The following LOXL2 variants were observed in gnomAD, a reference collection of about 807,000 sequenced individuals.
LOXL2 encodes lysyl oxidase like 2, also known as lysyl oxidase homolog 2.
In LOXL2, 70 loss-of-function variants were observed where a neutral mutation model predicts 93.0. That is an observed-to-expected ratio of 0.75 (90% CI 0.62 to 0.92). The LOEUF is 0.92. Ranked by LOEUF, LOXL2 falls within the 40% of genes least tolerant of loss-of-function variation. LOXL2 has a pLI of 0.00. For missense variants in LOXL2, 973 were observed against 1,054.9 expected (o/e 0.92, Z 1.08); for synonymous variants, 438 against 413.2 (o/e 1.06, Z -0.73).
rs761024060 is a variant in LOXL2 at position 23,319,903 on chromosome 8, G to A, written c.1452C>T (p.Phe484=). 6.9e-5 allele frequency: 112 copies of A among 1,613,634 alleles called. No individual in the cohort carries two copies. Among genetic ancestry groups the A allele is most frequent in the South Asian group, 5.5e-5 (5 of 91,068 alleles). Reference sequence around the variant, plus strand: ...TTCTCACCTGGAAGGCGTTGCTGGCGAATCCCAGGCCCAGCTGGCGGCAGA... The same window carrying A: ...TTCTCACCTGGAAGGCGTTGCTGGCAAATCCCAGGCCCAGCTGGCGGCAGA... The part of the protein sequence containing the change: ...MVVCRQLGLG[F]ASNAFQETWY... Residue 484 remains phenylalanine (F), a synonymous_variant, in exon 8 of 14, where the codon TTC becomes TTT. Coordinates refer to ENST00000389131, the MANE Select transcript of LOXL2 (RefSeq NM_002318.3).
At chr8:23,310,360 C>A (rs150826461) in intron 9 of LOXL2, among the ~76,000 whole-genome samples, 1 of 152,230 alleles carries the variant, frequency 6.6e-6, no homozygotes, top group Non-Finnish European at 1.5e-5. Context: ...CCTCTAATAC[C>A]TTGGTCTGCT....
At chr8:23,300,574 A>G (rs185047637) in intron 12 of LOXL2, among the ~76,000 whole-genome samples, 8 of 152,314 alleles carry the variant, frequency 5.3e-5, no homozygotes, top group Non-Finnish European at 7.3e-5. Context: ...CTCCATGTCT[A>G]TCTTAAGGGG....
intron 12 of LOXL2, among the ~76,000 whole-genome samples, chr8:23,299,663 G>A (rs181500007): frequency 1.4e-4 from 22 of 152,322 alleles, no homozygotes; most frequent in East Asian, 1.2e-3. Flanking sequence ...AGAGGGAGAA[G>A]AGACAACAGT....
At chr8:23,310,049 C>T in intron 9 of LOXL2, 138 bp from the exon 10 acceptor site, 1 of 821,438 alleles carries the variant, frequency 1.2e-6, no homozygotes, top group East Asian at 3.2e-5. Context: ...CTCAAGGTTA[C>T]CTTCTTGTTT....
chr8:23,321,894 A>C (rs187568773), intron 7 of LOXL2: 1 of 514,750 alleles, frequency 1.9e-6, no homozygotes, highest in Non-Finnish European at 3.5e-6. Context: ...AGATGTTAAC[A>C]TGCAAGGAGG....
At position 23,309,395 on chromosome 8, in the gene LOXL2, G is replaced by A. The variant is rs1172107656; in HGVS notation, c.1880+273C>T. Among the ~76,000 whole-genome samples, 9 of 152,348 alleles carry A rather than the reference G, an allele frequency of 5.9e-5. 1 individual carries two copies. In the Middle Eastern group the frequency reaches 0.024, roughly 403 times the overall value. ...CCATGGGCTGAAGGTCAACGAGGAG[G>A]GTATGGGCGCTCAAAACAAAGTGTG... On this transcript the variant is annotated intron_variant, in intron 10 of 13. Coordinates refer to ENST00000389131, the MANE Select transcript of LOXL2 (RefSeq NM_002318.3).
rs1676100380 is a variant in LOXL2, at chr8:23,398,329, C to A, written c.-84+5625G>T. Among the ~76,000 whole-genome samples, 4 of 152,168 alleles carry A rather than the reference C, an allele frequency of 2.6e-5. No homozygotes were observed. In the South Asian group the frequency reaches 8.3e-4, roughly 32 times the overall value. Reference sequence around the variant, plus strand: ...ACATCAAGGAGGATATGTCTGTTGCCACAGGACATCCAGAGGGCCAGCTGT... The same window carrying A: ...ACATCAAGGAGGATATGTCTGTTGCAACAGGACATCCAGAGGGCCAGCTGT... On this transcript the variant is annotated intron_variant, in intron 1 of 13. Coordinates refer to ENST00000389131, the MANE Select transcript of LOXL2 (RefSeq NM_002318.3).
intron 1 of LOXL2, among the ~76,000 whole-genome samples, chr8:23,368,952 G>A (rs1367425423): frequency 2.0e-5 from 3 of 152,128 alleles, no homozygotes; most frequent in Admixed American, 6.5e-5. Context: ...CTTTCCTCCC[G>A]TCTTTGAATC....
At chr8:23,318,613 T>C (rs900217580) in intron 8 of LOXL2, among the ~76,000 whole-genome samples, 5 of 152,188 alleles carry the variant, frequency 3.3e-5, no homozygotes, top group Admixed American at 1.3e-4. Flanking sequence ...GTCCCAGGCC[T>C]ATTTCAAGAC....
chr8:23,400,595 T>C (rs1431826064), intron 1 of LOXL2, among the ~76,000 whole-genome samples: 1 of 152,170 alleles, frequency 6.6e-6, no homozygotes, highest in Non-Finnish European at 1.5e-5. Context: ...ATGCATAAAC[T>C]AAGGGCTTCA....
chr8:23,302,273 C>A, intron 11 of LOXL2, 110 bp from the exon 12 acceptor site: 1 of 1,359,610 alleles, frequency 7.4e-7, no homozygotes, highest in East Asian at 2.4e-5. Flanking sequence ...CTCGGCATCC[C>A]ACCCCACTGT....
chr8:23,375,263 T>C (rs1276330787), intron 1 of LOXL2, among the ~76,000 whole-genome samples: 1 of 152,172 alleles, frequency 6.6e-6, no homozygotes, highest in Non-Finnish European at 1.5e-5. Context: ...TGTAGATGTA[T>C]GGTATTATTT....
chr8:23,328,642 C>T (rs1288776508), intron 5 of LOXL2, 77 bp from the exon 6 acceptor site: 1 of 1,416,992 alleles, frequency 7.1e-7, no homozygotes, highest in African/African-American at 1.4e-5. Context: ...CGCCCCCTCC[C>T]TTCCCTGCCA....
chr8:23,304,332 G>C (rs920078474), intron 10 of LOXL2, among the ~76,000 whole-genome samples: 1 of 152,240 alleles, frequency 6.6e-6, no homozygotes, highest in African/African-American at 2.4e-5. Context: ...ATAAACAAGG[G>C]AAACGGGGCT....
At chr8:23,354,477 T>G (rs1585366663) in intron 3 of LOXL2, among the ~76,000 whole-genome samples, 1 of 152,110 alleles carries the variant, frequency 6.6e-6, no homozygotes, top group African/African-American at 2.4e-5. Context: ...CACTTTGATA[T>G]GAAGAGTGAA....
At chr8:23,339,138 T>G (rs559826086) in intron 4 of LOXL2, among the ~76,000 whole-genome samples, 2 of 151,870 alleles carry the variant, frequency 1.3e-5, no homozygotes, top group Non-Finnish European at 2.9e-5. Context: ...TTGGGACACA[T>G]GTAGGCCTAA....
chr8:23,298,825 C>A lies in LOXL2; in HGVS notation c.2245+11G>T. Reference sequence around the variant, plus strand: ...CGCCTGCTTCCTGGAGTGGGGGCGGCCTGGCCTTACCTATGTGGCAGTTGT... The same window carrying A: ...CGCCTGCTTCCTGGAGTGGGGGCGGACTGGCCTTACCTATGTGGCAGTTGT... On this transcript the variant is annotated intron_variant, in intron 13 of 13. Transcript: ENST00000389131. The A allele has an allele frequency of 6.3e-7, 1 of 1,578,268 alleles. No individual in the cohort carries two copies. Among genetic ancestry groups the A allele is most frequent in the East Asian group, 2.2e-5 (1 of 44,594 alleles).
intron 2 of LOXL2, among the ~76,000 whole-genome samples, chr8:23,362,260 G>C (rs1804307293): frequency 6.6e-6 from 1 of 152,226 alleles, no homozygotes; most frequent in Non-Finnish European, 1.5e-5. Flanking sequence ...GGGGTATCTA[G>C]AGGAGTCAAA....
At chr8:23,372,661 G>A (rs1008816479) in intron 1 of LOXL2, among the ~76,000 whole-genome samples, 1 of 152,148 alleles carries the variant, frequency 6.6e-6, no homozygotes, top group African/African-American at 2.4e-5. Context: ...GAGACAAAAA[G>A]GGACAGTTTA....
Sources: gnomAD v4.1 joint callset for allele counts (sites outside exome capture counted in the v4.1 genomes callset) on GRCh38, gnomAD v4.1.1 for gene constraint, MANE v1.5 for transcripts, NCBI Gene and HGNC (gene_info 2026-07-23, HGNC 2026-07-21) for gene names.